SLC35E4: variants seen among roughly 807,000 people sequenced by gnomAD.
SLC35E4 encodes the protein solute carrier family 35, member E4.
In SLC35E4, 15 loss-of-function variants were observed where a neutral mutation model predicts 19.3. The observed-to-expected ratio is 0.78, with a 90% CI of 0.52 to 1.20. SLC35E4 has a LOEUF of 1.20. Among genes scored for constraint, SLC35E4 ranks in the 50% most tolerant of loss-of-function variants. SLC35E4 has a pLI of 0.00. For missense variants in SLC35E4, 406 were observed against 472.3 expected (o/e 0.86, Z 1.30); for synonymous variants, 219 against 219.9 (o/e 1.00, Z 0.04).
chr22:30,668,304 G>A (rs536659759), exon 3 of SLC35E4: 1 of 152,416 alleles, frequency 6.6e-6, no homozygotes, highest in South Asian at 2.1e-4. Flanking sequence ...GTGCTCTTCA[G>A]GTGCGGCCTG....
intron 2 of SLC35E4, among the ~76,000 whole-genome samples, chr22:30,656,647 T>C (rs2088343368): frequency 1.3e-5 from 2 of 152,218 alleles, no homozygotes; most frequent in South Asian, 4.1e-4. Context: ...CATGACCTTC[T>C]TCCTAGGTTG....
At chr22:30,642,696 TCA>T (rs1491588243) in intron 1 of SLC35E4, among the ~76,000 whole-genome samples, 1 of 99,864 alleles carries the variant, frequency 1.0e-5, no homozygotes, top group African/African-American at 3.9e-5. Flanking sequence ...AGCCGAGATA[TCA>T]CACCATTGCA....
In SLC35E4 at chr22:30,658,496, T is replaced by C. The variant is rs1017314670; in HGVS notation, c.*9-3564T>C. ...TCCAAAGCATCTGCAATCTGAAAAG[T>C]AGAAGAGGGGAATCTCCGTTGCCTT... On this transcript the variant is annotated intron_variant, in intron 2 of 2. Transcript: ENST00000406566. Among the ~76,000 whole-genome samples the C allele has an allele frequency of 4.6e-5, 7 of 151,908 alleles. 1 individual carries two copies. Among genetic ancestry groups the C allele is most frequent in the Non-Finnish European group, 1.0e-4 (7 of 67,966 alleles).
intron 1 of SLC35E4, 117 bp from the exon 2 acceptor site, chr22:30,646,481 T>A: frequency 8.2e-7 from 1 of 1,222,512 alleles, no homozygotes; most frequent in Non-Finnish European, 1.1e-6. Context: ...CAGGAGCCAC[T>A]AGCCCTGCCC....
chr22:30,638,619 C>T (rs2087989063), intron 1 of SLC35E4, among the ~76,000 whole-genome samples: 1 of 151,334 alleles, frequency 6.6e-6, no homozygotes, highest in Non-Finnish European at 1.5e-5. Flanking sequence ...CGAGACCAGC[C>T]TGGCCAACAT....
At chr22:30,666,645 A>AAAAAAAAAC (rs2088681735), downstream of SLC35E4, among the ~76,000 whole-genome samples, 1 of 142,974 alleles carries the variant, frequency 7.0e-6, no homozygotes, top group Admixed American at 7.0e-5. Context: ...AAAAAAAAAA[A>AAAAAAAAAC]AGCAATCTCT....
At chr22:30,664,135 G>A (rs1490970681), downstream of SLC35E4, 25 of 780,576 alleles carry the variant, frequency 3.2e-5, no homozygotes, top group Non-Finnish European at 5.0e-5. Flanking sequence ...CCAATTCCAG[G>A]GGATCCCTGG....
intron 2 of SLC35E4, among the ~76,000 whole-genome samples, chr22:30,656,318 G>C (rs991969180): frequency 6.6e-6 from 1 of 152,072 alleles, no homozygotes; most frequent in African/African-American, 2.4e-5. Flanking sequence ...TAGGAAAGCA[G>C]GGCTGTGTGC....
In SLC35E4 at chr22:30,663,273, G is replaced by A; in HGVS notation, c.*1222G>A. ...CAATTAGTTTAATCTTAAAAAAAAT[G>A]GATTATAAAGTTAAAAGCTACAGCA... On this transcript the variant is annotated 3_prime_UTR_variant, in exon 3 of 3. Coordinates refer to the SLC35E4 transcript ENST00000406566. 5 of 710,250 alleles carry A rather than the reference G, an allele frequency of 7.0e-6. No individual in the cohort carries two copies. In the South Asian group the frequency reaches 8.4e-5, roughly 12 times the overall value. 44.0% of individuals were successfully genotyped at this position (710,250 alleles called of 1,614,324 possible).
At chr22:30,639,315 C>T (rs1440266431) in intron 1 of SLC35E4, among the ~76,000 whole-genome samples, 3 of 152,074 alleles carry the variant, frequency 2.0e-5, no homozygotes, top group African/African-American at 7.2e-5. Flanking sequence ...ACGTGCTTCA[C>T]AAGGTAATAG....
downstream of SLC35E4, chr22:30,663,410 C>G (rs1433781963): frequency 1.9e-6 from 3 of 1,584,582 alleles, no homozygotes. Flanking sequence ...GTACCTCTGA[C>G]TCCAATGCAG....
chr22:30,664,780 T>G (rs866928658), downstream of SLC35E4, among the ~76,000 whole-genome samples: 6 of 152,340 alleles, frequency 3.9e-5, 1 homozygote, highest in Middle Eastern at 0.017. Context: ...GAAGAAGGCC[T>G]GGGAAAGGGA....
intron 2 of SLC35E4, chr22:30,661,387 C>T (rs896721040): frequency 6.6e-6 from 1 of 151,676 alleles, no homozygotes; most frequent in Non-Finnish European, 1.5e-5. Context: ...AAATATTAAC[C>T]TGAAAATAAT....
chr22:30,646,836 CCTGGGCAACCTCACCGTG>C lies in SLC35E4; in HGVS notation c.859_876del (p.Leu287_Val292del). ...TCACCTCTGCCCTCACCGTCCACGTCCTGGGCAACCTCACCGTGGTGGGCAACCTCATCCTGTCCCGGC... is the reference window on the plus strand; with the variant it reads ...TCACCTCTGCCCTCACCGTCCACGTCGTGGGCAACCTCATCCTGTCCCGGC... On this transcript the variant is annotated inframe_deletion, in exon 2 of 2. Coordinates refer to ENST00000343605, the MANE Select transcript of SLC35E4 (RefSeq NM_001001479.4). 1 of 1,614,252 alleles carries C rather than the reference CCTGGGCAACCTCACCGTG, an allele frequency of 6.2e-7. No individual in the cohort carries two copies. Among genetic ancestry groups the C allele is most frequent in the South Asian group, 1.1e-5 (1 of 91,090 alleles).
chr22:30,661,993 G>A (rs1420288901), intron 2 of SLC35E4: 1 of 151,522 alleles, frequency 6.6e-6, no homozygotes, highest in Non-Finnish European at 1.5e-5. Flanking sequence ...TCTAAGTCTA[G>A]GCCTCCTGTG....
downstream of SLC35E4, among the ~76,000 whole-genome samples, chr22:30,650,385 A>C (rs1406824346): frequency 6.6e-6 from 1 of 152,044 alleles, no homozygotes; most frequent in Non-Finnish European, 1.5e-5. Context: ...AATCCCAGCT[A>C]CTCGGAAGGC....
chr22:30,646,854 G>A lies in SLC35E4; in HGVS notation c.876G>A (p.Val292=). 3.1e-6 allele frequency: 5 copies of A among 1,614,222 alleles called. No individual in the cohort carries two copies. The highest frequency in any genetic ancestry group is 3.4e-6 in the Non-Finnish European group (4 of 1,180,040). The change falls in exon 2 of 2, where the codon GTG becomes GTA. Residue 292 remains valine (V), a synonymous_variant. Coordinates refer to ENST00000343605, the MANE Select transcript of SLC35E4 (RefSeq NM_001001479.4). ...TCCACGTCCTGGGCAACCTCACCGTGGTGGGCAACCTCATCCTGTCCCGGC... is the reference window on the plus strand; with the variant it reads ...TCCACGTCCTGGGCAACCTCACCGTAGTGGGCAACCTCATCCTGTCCCGGC... ...LTVHVLGNLT[V]VGNLILSRLL...
chr22:30,651,952 C>G (rs963393692), downstream of SLC35E4: 5 of 152,050 alleles, frequency 3.3e-5, no homozygotes, highest in Admixed American at 2.6e-4. Context: ...GGATTTGTGG[C>G]CCCCCAGTGG....
chr22:30,644,389 A>G (rs528265659), intron 1 of SLC35E4, among the ~76,000 whole-genome samples: 5 of 152,262 alleles, frequency 3.3e-5, no homozygotes, highest in African/African-American at 1.2e-4. Context: ...TGTGTCGACT[A>G]CTCATCTCTC....
Sources: gnomAD v4.1 joint callset for allele counts (sites outside exome capture counted in the v4.1 genomes callset) on GRCh38, gnomAD v4.1.1 for gene constraint, MANE v1.5 for transcripts, NCBI Gene and HGNC (gene_info 2026-07-23, HGNC 2026-07-21) for gene names.